Variants in CCDC30 observed in about 807,000 individuals in gnomAD.
The protein encoded by CCDC30 is coiled-coil domain containing 30.
CCDC30 carries 70 observed loss-of-function variants against 100.2 expected under a neutral mutation model. The ratio of observed to expected loss-of-function variants is 0.70; its 90% confidence interval spans 0.58 to 0.85. The LOEUF (loss-of-function observed/expected upper bound fraction) is 0.85, where lower values mean the gene tolerates loss of function less well. Ranked by LOEUF, CCDC30 falls within the 40% of genes least tolerant of loss-of-function variation. The pLI is 0.00. For missense variants in CCDC30, 652 were observed against 771.2 expected (o/e 0.85, Z 1.83); for synonymous variants, 233 against 269.5 (o/e 0.86, Z 1.33).
chr1:42,656,782 G>A (rs1029125697), downstream of CCDC30, among the ~76,000 whole-genome samples: 4 of 152,202 alleles, frequency 2.6e-5, no homozygotes, highest in Admixed American at 2.0e-4. Context: ...ATAGGGTTGT[G>A]AGGACCAAAT....
chr1:42,542,539 C>CTTTTTTTTTTTTTTTTTTT (rs58751072), intron 6 of CCDC30, among the ~76,000 whole-genome samples: 1 of 75,562 alleles, frequency 1.3e-5, no homozygotes, highest in African/African-American at 4.6e-5. Context: ...TTAAATTTTT[C>CTTTTTTTTTTTTTTTTTTT]TTTTTTTTTT....
Position 42,502,120 on chromosome 1 carries a change from C to T in CCDC30, c.456+3204C>T, listed in dbSNP as rs1045819423. ...TGGGCTTCACCCAGTTTGAGCTTCC[C>T]GGCTTCTTTGTTTACCTACTCAAGC... On this transcript the variant is annotated intron_variant, in intron 6 of 16. Coordinates refer to ENST00000668663, the Ensembl canonical transcript of CCDC30. Among the ~76,000 whole-genome samples, 62 of 152,150 alleles carry T rather than the reference C, an allele frequency of 4.1e-4. 1 individual carries two copies. The highest frequency in any genetic ancestry group is 3.5e-3 in the Admixed American group (53 of 15,282).
chr1:42,600,294 T>C (rs911105072), intron 10 of CCDC30, among the ~76,000 whole-genome samples: 2 of 152,172 alleles, frequency 1.3e-5, no homozygotes, highest in Non-Finnish European at 2.9e-5. Context: ...TCAAAATATG[T>C]GAGGCAAAAA....
intron 15 of CCDC30, among the ~76,000 whole-genome samples, chr1:42,650,482 T>C (rs543395852): frequency 7.0e-6 from 1 of 142,886 alleles, no homozygotes; most frequent in Admixed American, 7.1e-5. Flanking sequence ...CAAGACCCTG[T>C]CTAAAAAAAT....
chr1:42,609,480 ACT>A (rs1217942985), intron 10 of CCDC30, among the ~76,000 whole-genome samples: 3 of 152,056 alleles, frequency 2.0e-5, no homozygotes, highest in Non-Finnish European at 4.4e-5. Context: ...AGTGCCCCTA[ACT>A]CTCATGTTGT....
exon 10 of CCDC30, chr1:42,589,339 C>T (rs376338895): frequency 1.6e-5 from 26 of 1,607,020 alleles, no homozygotes; most frequent in African/African-American, 5.4e-5. Flanking sequence ...TATATCAGAA[C>T]GTAGATGAGT....
At chr1:42,522,085 AT>A (rs1290600404) in intron 6 of CCDC30, among the ~76,000 whole-genome samples, 1 of 152,188 alleles carries the variant, frequency 6.6e-6, no homozygotes, top group Admixed American at 6.5e-5. Flanking sequence ...TCTCCCATAT[AT>A]TTTAAATTAT....
At chr1:42,457,212 G>T in the CCDC30 span, 77 of 1,612,962 alleles carry the variant, frequency 4.8e-5, no homozygotes, top group Non-Finnish European at 6.4e-5. Context: ...ATCGTACCTC[G>T]CCGATTTGTT....
At chr1:42,466,524 A>G (rs917804316) in intron 1 of CCDC30, among the ~76,000 whole-genome samples, 1 of 151,318 alleles carries the variant, frequency 6.6e-6, no homozygotes, top group Non-Finnish European at 1.5e-5. Flanking sequence ...TACTTTGGAC[A>G]GAATAGTTTT....
chr1:42,585,116 C>T (rs183333713), intron 9 of CCDC30, among the ~76,000 whole-genome samples: 14 of 152,178 alleles, frequency 9.2e-5, no homozygotes, highest in Admixed American at 1.3e-4. Context: ...TGTGAGCTTT[C>T]GTAGTTTGTG....
At chr1:42,546,402 ATATATATATATATATATATATAT>A (rs1557843040) in intron 6 of CCDC30, among the ~76,000 whole-genome samples, 617 of 25,776 alleles carry the variant, frequency 0.024, 51 homozygotes, top group African/African-American at 0.059. Flanking sequence ...AAAAAAAAAT[ATATATATATATATATATATATAT>A]ATATATATAT....
intron 6 of CCDC30, among the ~76,000 whole-genome samples, chr1:42,529,970 C>T (rs888504649): frequency 1.1e-4 from 16 of 152,176 alleles, no homozygotes; most frequent in African/African-American, 3.9e-4. Flanking sequence ...TTCTGAGTAC[C>T]ATGATGAAAT....
At chr1:42,591,293 G>A (rs1373596096) in intron 10 of CCDC30, 2 of 152,272 alleles carry the variant, frequency 1.3e-5, no homozygotes, top group African/African-American at 4.8e-5. Context: ...TACCATCACA[G>A]GTCCACAGAC....
At chr1:42,471,660 T>G (rs896058574) in intron 1 of CCDC30, among the ~76,000 whole-genome samples, 4 of 152,080 alleles carry the variant, frequency 2.6e-5, no homozygotes, top group Admixed American at 6.6e-5. Context: ...GGGGAAGATA[T>G]GAGTGGGGAC....
At chr1:42,456,647 G>A in the CCDC30 span, 1 of 1,586,530 alleles carries the variant, frequency 6.3e-7, no homozygotes, top group Non-Finnish European at 8.6e-7. Flanking sequence ...TCGCTTCGCG[G>A]CCAGGCTGGG....
chr1:42,502,256 C>T (rs1444989126), intron 6 of CCDC30, among the ~76,000 whole-genome samples: 10 of 151,864 alleles, frequency 6.6e-5, no homozygotes, highest in South Asian at 2.1e-4. Flanking sequence ...CCCTCCGAGC[C>T]GGGCGTGGGA....
chr1:42,556,499 GTT>G, intron 6 of CCDC30, 94 bp downstream of exon 10: 1 of 1,353,140 alleles, frequency 7.4e-7, no homozygotes, highest in Non-Finnish European at 9.9e-7. Context: ...TCATATATAT[GTT>G]TTTTTTTATT....
chr1:42,641,844 GACTCCATGTCAAAA>G (rs2148684652), intron 12 of CCDC30, among the ~76,000 whole-genome samples: 1 of 152,040 alleles, frequency 6.6e-6, no homozygotes, highest in African/African-American at 2.4e-5. Flanking sequence ...AACAAAGCAA[GACTCCATGTCAAAA>G]ACAAAACAAA....
chr1:42,556,855 T>C (rs556291186), intron 6 of CCDC30, among the ~76,000 whole-genome samples: 4 of 152,338 alleles, frequency 2.6e-5, no homozygotes, highest in Non-Finnish European at 5.9e-5. Context: ...GATTTGGGGA[T>C]GGTAGGATGC....
Sources: allele counts gnomAD v4.1 joint callset (sites outside exome capture counted in the v4.1 genomes callset), GRCh38; gene constraint gnomAD v4.1.1; transcripts MANE v1.5; gene names NCBI Gene and HGNC (gene_info 2026-07-23, HGNC 2026-07-21).